CTNNBL1: variants seen among roughly 807,000 people sequenced by gnomAD.
CTNNBL1 encodes the protein catenin beta like 1.
CTNNBL1 carries 31 observed loss-of-function variants against 72.7 expected under a neutral mutation model. The observed-to-expected ratio is 0.43, with a 90% confidence interval of 0.32 to 0.58. The LOEUF (loss-of-function observed/expected upper bound fraction) is 0.58. Ranked by LOEUF, CTNNBL1 falls within the 20% of genes least tolerant of loss-of-function variation. CTNNBL1 has a pLI of 0.08. For synonymous variants in CTNNBL1, 240 were observed against 267.3 expected (o/e 0.90, Z 1.00); for missense variants, 534 against 725.1 (o/e 0.74, Z 3.03).
chr20:37,722,319 C>T (rs2073047532), intron 1 of CTNNBL1, among the ~76,000 whole-genome samples: 1 of 151,828 alleles, frequency 6.6e-6, no homozygotes, highest in South Asian at 2.1e-4. Flanking sequence ...ACTGAAAATA[C>T]AAAAATTAGC....
rs78117140 is a variant in CTNNBL1 at position 37,762,456 on chromosome 20, T to C, written c.565-2741T>C. Among the ~76,000 whole-genome samples the C allele has an allele frequency of 1.6e-3, 243 of 152,302 alleles. 1 individual carries two copies. Among genetic ancestry groups the C allele is most frequent in the African/African-American group, 5.4e-3 (226 of 41,578 alleles). On this transcript the variant is annotated intron_variant, in intron 5 of 15. Coordinates refer to ENST00000361383, the MANE Select transcript of CTNNBL1 (RefSeq NM_030877.5). ...TCAAGTGGAAGATGATGTGTGATCA[T>C]GCCCTTGAACTTTAACTCCCGGAAT...
At chr20:37,746,223 C>T (rs2073261140) in intron 3 of CTNNBL1, among the ~76,000 whole-genome samples, 1 of 152,164 alleles carries the variant, frequency 6.6e-6, no homozygotes, top group African/African-American at 2.4e-5. Context: ...CTCTGAAAGG[C>T]AGCTTGTGAC....
chr20:37,770,274 A>G (rs1391491527), intron 7 of CTNNBL1, among the ~76,000 whole-genome samples: 1 of 152,142 alleles, frequency 6.6e-6, no homozygotes, highest in African/African-American at 2.4e-5. Context: ...TTCTTTCCTC[A>G]GTATTCAACA....
intron 11 of CTNNBL1, among the ~76,000 whole-genome samples, chr20:37,803,995 A>C (rs977229192): frequency 6.6e-6 from 1 of 152,046 alleles, no homozygotes; most frequent in African/African-American, 2.4e-5. Flanking sequence ...GTCTCTCCCA[A>C]CTTGGAGTGG....
intron 5 of CTNNBL1, among the ~76,000 whole-genome samples, chr20:37,762,564 A>G (rs918865159): frequency 2.6e-5 from 4 of 152,202 alleles, no homozygotes; most frequent in Non-Finnish European, 5.9e-5. Context: ...CTGATTTCCA[A>G]GGCAAGGGTT....
chr20:37,837,732 C>T (rs1347136615), intron 11 of CTNNBL1, among the ~76,000 whole-genome samples: 1 of 152,178 alleles, frequency 6.6e-6, no homozygotes, highest in Non-Finnish European at 1.5e-5. Flanking sequence ...CCCATGCCCA[C>T]CTCCACCACT....
chr20:37,849,226 CA>C (rs1450981457), intron 13 of CTNNBL1, among the ~76,000 whole-genome samples: 2 of 152,204 alleles, frequency 1.3e-5, no homozygotes, highest in African/African-American at 4.8e-5. Flanking sequence ...TTGGGCCCTC[CA>C]GTTCATTTTC....
At chr20:37,852,742 C>T (rs951350925) in intron 13 of CTNNBL1, among the ~76,000 whole-genome samples, 3 of 152,142 alleles carry the variant, frequency 2.0e-5, no homozygotes, top group Non-Finnish European at 2.9e-5. Context: ...AGCTTCGCCT[C>T]GGCTTCACGA....
At chr20:37,861,117 C>G (rs2072487953) in intron 15 of CTNNBL1, among the ~76,000 whole-genome samples, 1 of 152,200 alleles carries the variant, frequency 6.6e-6, no homozygotes, top group Non-Finnish European at 1.5e-5. Flanking sequence ...TCTGCCTCCT[C>G]TAGCTGCTAG....
intron 1 of CTNNBL1, among the ~76,000 whole-genome samples, chr20:37,697,039 C>T (rs557710268): frequency 2.6e-5 from 4 of 151,650 alleles, no homozygotes; most frequent in African/African-American, 7.3e-5. Context: ...AAAAATTAGC[C>T]GGGCGTGGTG....
intron 1 of CTNNBL1, among the ~76,000 whole-genome samples, chr20:37,725,649 G>A (rs2073078374): frequency 6.6e-6 from 1 of 151,086 alleles, no homozygotes; most frequent in Non-Finnish European, 1.5e-5. Flanking sequence ...GGAGCTCAGT[G>A]TGTTGTTTTC....
intron 3 of CTNNBL1, among the ~76,000 whole-genome samples, chr20:37,746,148 G>C (rs2073260265): frequency 6.6e-6 from 1 of 152,218 alleles, no homozygotes; most frequent in Admixed American, 6.5e-5. Flanking sequence ...ACACCAAGGG[G>C]TAATGGTGGC....
chr20:37,859,190 C>T (rs985716970), intron 13 of CTNNBL1, among the ~76,000 whole-genome samples: 1 of 151,984 alleles, frequency 6.6e-6, no homozygotes, highest in East Asian at 1.9e-4. Context: ...ACTCTTGTCT[C>T]TACTAAAAAT....
intron 15 of CTNNBL1, among the ~76,000 whole-genome samples, chr20:37,863,713 G>T (rs1003591416): frequency 6.6e-6 from 1 of 152,142 alleles, no homozygotes; most frequent in Non-Finnish European, 1.5e-5. Context: ...GGTACAAGGG[G>T]TGACTGCATC....
At chr20:37,861,135 C>A (rs1182809657) in intron 15 of CTNNBL1, among the ~76,000 whole-genome samples, 11 of 152,316 alleles carry the variant, frequency 7.2e-5, no homozygotes, top group African/African-American at 2.6e-4. Context: ...TAGCCTGTCA[C>A]AGCTAGGAGA....
chr20:37,829,427 G>A (rs555631429), intron 11 of CTNNBL1, among the ~76,000 whole-genome samples: 3 of 152,290 alleles, frequency 2.0e-5, no homozygotes, highest in South Asian at 2.1e-4. Flanking sequence ...TTCTGAAGCC[G>A]AGTGGGCAGA....
intron 11 of CTNNBL1, among the ~76,000 whole-genome samples, chr20:37,825,610 G>A (rs1038945010): frequency 2.6e-5 from 4 of 152,186 alleles, no homozygotes; most frequent in Non-Finnish European, 5.9e-5. Flanking sequence ...AAGAAGTGGA[G>A]ATTGCAGGGA....
At position 37,718,484 on chromosome 20, in the gene CTNNBL1, A is replaced by G. The variant is rs868522336; in HGVS notation, c.31-14395A>G. On this transcript the variant is annotated intron_variant, in intron 1 of 15. Transcript: ENST00000361383. ...GGGCTGACCCCCCCACCTCCCTCCCAGACGGGGCGGCTGGCCGGGCAGAGG... is the reference window on the plus strand; with the variant it reads ...GGGCTGACCCCCCCACCTCCCTCCCGGACGGGGCGGCTGGCCGGGCAGAGG... Among the ~76,000 whole-genome samples the G allele has an allele frequency of 2.4e-3, 220 of 91,152 alleles. 1 individual carries two copies. The highest frequency in any genetic ancestry group is 0.011 in the Admixed American group (97 of 8,694). The allele number at this position is 91,152 out of a possible 152,430, so 59.8% of individuals were successfully genotyped here. A position where few individuals can be genotyped will look rare whatever the true frequency, so the allele number is the denominator to read the frequency against.
At position 37,780,599 on chromosome 20, in the gene CTNNBL1, C is replaced by G. The variant is rs6020863; in HGVS notation, c.1031+1264C>G. Reference sequence around the variant, plus strand: ...GAGTTTTCAGTAACTGCATCATGGCCTCTAAGGGACTGTAGCTTACTTAGT... The same window carrying G: ...GAGTTTTCAGTAACTGCATCATGGCGTCTAAGGGACTGTAGCTTACTTAGT... On this transcript the variant is annotated intron_variant, in intron 10 of 15. Transcript: ENST00000361383. Among the ~76,000 whole-genome samples the G allele has an allele frequency of 3.3e-3, 497 of 152,258 alleles. 6 individuals carry two copies. The highest frequency in any genetic ancestry group is 0.011 in the African/African-American group (449 of 41,572).
Sources: gnomAD v4.1 joint callset for allele counts (sites outside exome capture counted in the v4.1 genomes callset) on GRCh38, gnomAD v4.1.1 for gene constraint, MANE v1.5 for transcripts, NCBI Gene and HGNC (gene_info 2026-07-23, HGNC 2026-07-21) for gene names.